CATSPERG: variants seen among roughly 807,000 people sequenced by gnomAD.
The protein encoded by CATSPERG is cation channel sperm-associated auxiliary subunit gamma.
A neutral mutation model predicts 145.0 loss-of-function variants in CATSPERG; 115 were observed. The observed-to-expected ratio is 0.79, with a 90% CI of 0.68 to 0.93. The LOEUF (loss-of-function observed/expected upper bound fraction) is 0.93. Ranked by LOEUF, CATSPERG falls within the 40% of genes least tolerant of loss-of-function variation. The pLI is 0.00. For synonymous variants in CATSPERG, 588 were observed against 589.0 expected, an observed-to-expected ratio of 1.00 and a Z score of 0.02; for missense variants, 1,296 against 1,490.1, an observed-to-expected ratio of 0.87 and a Z score of 2.14.
At chr19:38,364,314 C>A (rs928881702) in intron 20 of CATSPERG, among the ~76,000 whole-genome samples, 1 of 151,836 alleles carries the variant, frequency 6.6e-6, no homozygotes, top group African/African-American at 2.4e-5. Context: ...CGCTCCTCAC[C>A]TCCCAGATGG....
intron 6 of CATSPERG, among the ~76,000 whole-genome samples, chr19:38,344,902 T>TA (rs1491474100): frequency 0.044 from 2,823 of 64,768 alleles, 357 homozygotes; most frequent in East Asian, 0.087. Flanking sequence ...TATATATATA[T>TA]TTTTTTTTTT....
chr19:38,349,198 C>T (rs1354450928), intron 7 of CATSPERG: 1 of 152,166 alleles, frequency 6.6e-6, no homozygotes, highest in Non-Finnish European at 1.5e-5. Flanking sequence ...GTGATGCAAT[C>T]TTGGCTCACT....
intron 1 of CATSPERG, 182 bp from the exon 2 acceptor site, chr19:38,337,039 G>C: frequency 1.4e-6 from 1 of 705,682 alleles, no homozygotes; most frequent in Non-Finnish European, 2.3e-6. Flanking sequence ...GTCCGTGCGG[G>C]GGCAGGGCCA....
intron 3 of CATSPERG, among the ~76,000 whole-genome samples, chr19:38,342,024 G>T (rs556239093): frequency 1.1e-4 from 17 of 150,870 alleles, no homozygotes; most frequent in Non-Finnish European, 1.8e-4. Flanking sequence ...GTTACAGTGA[G>T]CTGTGATGGC....
chr19:38,335,859 T>G lies in CATSPERG; in HGVS notation c.-31T>G. On this transcript the variant is annotated 5_prime_UTR_variant, in exon 1 of 29. Coordinates refer to ENST00000409235, the MANE Select transcript of CATSPERG (RefSeq NM_021185.5). ...GTGCGGCCGAGTGACAGTTGACCGGTTTTAACCAAGTGACTGGTACCACGG... is the reference window on the plus strand; with the variant it reads ...GTGCGGCCGAGTGACAGTTGACCGGGTTTAACCAAGTGACTGGTACCACGG... 1 of 230,844 alleles carries G rather than the reference T, an allele frequency of 4.3e-6. No homozygotes were observed. Among genetic ancestry groups the G allele is most frequent in the Non-Finnish European group, 9.0e-6 (1 of 111,440 alleles). 14.3% of individuals were successfully genotyped at this position (230,844 alleles called of 1,614,324 possible).
chr19:38,345,093 T>TATA (rs1324493062), intron 6 of CATSPERG, among the ~76,000 whole-genome samples: 2 of 149,542 alleles, frequency 1.3e-5, no homozygotes, highest in African/African-American at 4.9e-5. Flanking sequence ...TAATTATCAT[T>TATA]ATTATTATTA....
intron 24 of CATSPERG, 31 bp downstream of exon 24, chr19:38,367,603 A>T (rs1600486922): frequency 1.9e-6 from 3 of 1,613,066 alleles, no homozygotes; most frequent in Non-Finnish European, 2.5e-6. Context: ...CAGCTAGGGC[A>T]GGTGGAGGGA....
intron 9 of CATSPERG, 134 bp downstream of exon 9, chr19:38,354,981 G>A: frequency 9.8e-7 from 1 of 1,018,756 alleles, no homozygotes; most frequent in Non-Finnish European, 1.4e-6. Flanking sequence ...GATGGTGGTG[G>A]TGGAGGGATG....
chr19:38,350,331 C>T (rs974246770), intron 7 of CATSPERG, among the ~76,000 whole-genome samples: 1 of 152,138 alleles, frequency 6.6e-6, no homozygotes, highest in African/African-American at 2.4e-5. Flanking sequence ...ATCACTGAGA[C>T]GGGGTTTCTC....
chr19:38,370,676 G>A lies in CATSPERG; in HGVS notation c.3364G>A (p.Gly1122Arg), dbSNP rs376077607. Residue 1122 changes from glycine to arginine, a missense_variant, in exon 29 of 29, where the codon GGA becomes AGA. Physicochemically the swap from Gly to Arg is moderately radical, Grantham distance 125. Coordinates refer to ENST00000409235, the MANE Select transcript of CATSPERG (RefSeq NM_021185.5). ...ESYYTYASISGISSMPSLRHS... is the reference protein window; with the variant it reads ...ESYYTYASISRISSMPSLRHS... Reference sequence around the variant, plus strand: ...CTACTACACCTACGCCTCCATTTCCGGAATCTCGAGCATGCCGTCTCTGAG... The same window carrying A: ...CTACTACACCTACGCCTCCATTTCCAGAATCTCGAGCATGCCGTCTCTGAG... 43 of 1,613,992 alleles carry A rather than the reference G, an allele frequency of 2.7e-5. No homozygotes were observed. The highest frequency in any genetic ancestry group is 1.7e-4 in the African/African-American group (13 of 74,964).
chr19:38,350,672 C>T (rs1970123729), intron 7 of CATSPERG, among the ~76,000 whole-genome samples: 1 of 152,208 alleles, frequency 6.6e-6, no homozygotes, highest in Non-Finnish European at 1.5e-5. Context: ...GGCCACATTC[C>T]TCTGTATTGA....
At chr19:38,361,912 G>A (rs1324846327) in intron 17 of CATSPERG, 51 bp downstream of exon 17, 1 of 1,516,306 alleles carries the variant, frequency 6.6e-7, no homozygotes, top group Non-Finnish European at 9.0e-7. Context: ...TGGGGCAGCC[G>A]GGAGCTGGCT....
chr19:38,367,697 G>A lies in CATSPERG; in HGVS notation c.2851G>A (p.Val951Met), dbSNP rs781692391. ...SFQGSYVLLV[V>M]GGGPTLDSLK... Reference sequence around the variant, plus strand: ...CCCTGGTAGCTATGTTCTGCTGGTGGTGGGTGGCGGGCCCACACTGGACAG... The same window carrying A: ...CCCTGGTAGCTATGTTCTGCTGGTGATGGGTGGCGGGCCCACACTGGACAG... The change falls in exon 25 of 29, where the codon GTG (valine) becomes ATG (methionine). Residue 951 changes from valine (V) to methionine (M), a missense_variant. Coordinates refer to ENST00000409235, the MANE Select transcript of CATSPERG (RefSeq NM_021185.5). 6.2e-7 allele frequency: 1 copy of A among 1,614,126 alleles called. No individual in the cohort carries two copies. The highest frequency in any genetic ancestry group is 8.5e-7 in the Non-Finnish European group (1 of 1,180,012).
At chr19:38,352,132 G>A in intron 7 of CATSPERG, 129 bp from the exon 8 acceptor site, 2 of 881,270 alleles carry the variant, frequency 2.3e-6, no homozygotes, top group Non-Finnish European at 3.5e-6. Context: ...GGTGAGCAGG[G>A]AGAGCGCCCT....
At chr19:38,365,259 C>T in intron 22 of CATSPERG, 142 bp downstream of exon 22, 1 of 684,778 alleles carries the variant, frequency 1.5e-6, no homozygotes, top group African/African-American at 1.8e-5. Flanking sequence ...CACCCACCCA[C>T]TACCACCCAC....
chr19:38,356,479 T>G lies in CATSPERG; in HGVS notation c.1136-5T>G, dbSNP rs748237417. ...CCTGAACATGAACCCGACCTTGCTCTGCAGATGGCCAGGTGTCCTTTGAGA... is the reference window on the plus strand; with the variant it reads ...CCTGAACATGAACCCGACCTTGCTCGGCAGATGGCCAGGTGTCCTTTGAGA... On this transcript the variant is annotated splice_region_variant and splice_polypyrimidine_tract_variant and intron_variant, in intron 9 of 28. Coordinates refer to ENST00000409235, the MANE Select transcript of CATSPERG (RefSeq NM_021185.5). 1 of 1,613,980 alleles carries G rather than the reference T, an allele frequency of 6.2e-7. No homozygotes were observed. Among genetic ancestry groups the G allele is most frequent in the African/African-American group, 1.3e-5 (1 of 75,008 alleles).
Position 38,354,760 on chromosome 19 carries a change from G to A in CATSPERG, c.1048G>A (p.Val350Met). The change falls in exon 9 of 29, where the codon GTG becomes ATG. Residue 350 changes from valine (V) to methionine (M), a missense_variant. Transcript: ENST00000409235. ...ASECIKKLCP[V>M]YFHSNGSEYI... ...CGAGTGCATCAAGAAGCTGTGCCCT[G>A]TGTATTTCCATAGCAATGGCTCTGA... is the stretch of plus-strand genomic sequence containing the variant. 6.2e-7 allele frequency: 1 copy of A among 1,614,192 alleles called. No individual in the cohort carries two copies. Among genetic ancestry groups the A allele is most frequent in the Non-Finnish European group, 8.5e-7 (1 of 1,180,022 alleles).
rs1429319002 is a variant in CATSPERG at position 38,362,839 on chromosome 19, C to G, written c.2475+7C>G. 3 of 1,526,460 alleles carry G rather than the reference C, an allele frequency of 2.0e-6. No homozygotes were observed. Among genetic ancestry groups the G allele is most frequent in the Admixed American group, 1.7e-5 (1 of 59,562 alleles). The allele number at this position is 1,526,460 out of a possible 1,614,324, so 94.6% of individuals were successfully genotyped here. On this transcript the variant is annotated splice_region_variant and intron_variant, in intron 20 of 28. Coordinates refer to ENST00000409235, the MANE Select transcript of CATSPERG (RefSeq NM_021185.5). Reference sequence around the variant, plus strand: ...CAACTCGGTGCTATTTTCGGTGAGGCCCCCCGGGGAGTTGGGATCAAGGGA... The same window carrying G: ...CAACTCGGTGCTATTTTCGGTGAGGGCCCCCGGGGAGTTGGGATCAAGGGA...
At chr19:38,336,380 G>T (rs1021669342) in intron 1 of CATSPERG, 1 of 355,494 alleles carries the variant, frequency 2.8e-6, no homozygotes, top group Non-Finnish European at 5.7e-6. Flanking sequence ...GCCCGCGCGG[G>T]AAGAACCAAT....
Sources: gnomAD v4.1 joint callset for allele counts (sites outside exome capture counted in the v4.1 genomes callset) on GRCh38, gnomAD v4.1.1 for gene constraint, MANE v1.5 for transcripts, NCBI Gene and HGNC (gene_info 2026-07-23, HGNC 2026-07-21) for gene names.